The following SCLT1 variants were observed in gnomAD, a reference collection of about 807,000 sequenced individuals.
The protein encoded by SCLT1 is sodium channel-associated protein 1.
Under a neutral mutation model 112.8 loss-of-function variants are expected in SCLT1, and 78 were observed. The ratio of observed to expected loss-of-function variants is 0.69; its 90% CI spans 0.58 to 0.83. SCLT1 has a LOEUF of 0.83. Among genes scored for constraint, SCLT1 ranks in the 40% least tolerant of loss-of-function variants. The pLI is 0.00. For missense variants in SCLT1, 747 were observed against 770.4 expected (o/e 0.97, Z 0.36); for synonymous variants, 257 against 254.7 (o/e 1.01, Z -0.09).
At chr4:128,967,666 C>T (rs1740325548) in intron 10 of SCLT1, among the ~76,000 whole-genome samples, 1 of 152,108 alleles carries the variant, frequency 6.6e-6, no homozygotes, top group South Asian at 2.1e-4. Flanking sequence ...TGAAAAGTGT[C>T]TGTTTATGTC....
At chr4:129,036,775 G>A (rs139589185) in intron 5 of SCLT1, 1 of 151,658 alleles carries the variant, frequency 6.6e-6, no homozygotes, top group African/African-American at 2.4e-5. Context: ...GGAACAGCAT[G>A]TATTAATTTA....
At chr4:128,908,157 G>A (rs1734823862) in intron 18 of SCLT1, among the ~76,000 whole-genome samples, 1 of 152,050 alleles carries the variant, frequency 6.6e-6, no homozygotes, top group African/African-American at 2.4e-5. Flanking sequence ...TTATATGAGA[G>A]AATTAAAAAC....
chr4:129,030,919 T>G (rs945229206), intron 5 of SCLT1, among the ~76,000 whole-genome samples: 1 of 152,052 alleles, frequency 6.6e-6, no homozygotes, highest in African/African-American at 2.4e-5. Flanking sequence ...GTAGCATTCC[T>G]TCTGAAACTA....
At chr4:128,964,517 A>G (rs1740007484) in intron 11 of SCLT1, among the ~76,000 whole-genome samples, 1 of 152,216 alleles carries the variant, frequency 6.6e-6, no homozygotes, top group Non-Finnish European at 1.5e-5. Context: ...TCAGCTTGCA[A>G]GATTTTTCTG....
intron 18 of SCLT1, among the ~76,000 whole-genome samples, chr4:128,933,550 C>G (rs1736944198): frequency 6.6e-6 from 1 of 152,016 alleles, no homozygotes. Context: ...CTAGGCTTAT[C>G]TTGTACTCTC....
rs1428076364 is a variant in SCLT1 at position 129,003,750 on chromosome 4, T to C, written c.417A>G (p.Leu139=). The C allele has an allele frequency of 6.2e-7, 1 of 1,604,608 alleles. No homozygotes were observed. Among genetic ancestry groups the C allele is most frequent in the Non-Finnish European group, 8.5e-7 (1 of 1,176,496 alleles). The part of the protein sequence containing the change: ...TVRNLQEQLQ[L]ANQEKTQAVE... ...AATACATGTCACTCACTTGATTGGCTAGCTGCAATTGTTCTTGAAGGTTTC... is the reference window on the plus strand; with the variant it reads ...AATACATGTCACTCACTTGATTGGCCAGCTGCAATTGTTCTTGAAGGTTTC... Residue 139 remains leucine (L), a synonymous_variant, in exon 6 of 21, where the codon CTA becomes CTG. Coordinates refer to ENST00000281142, the MANE Select transcript of SCLT1 (RefSeq NM_144643.4).
At chr4:128,995,622 G>A (rs140505767) in intron 8 of SCLT1, among the ~76,000 whole-genome samples, 5 of 151,984 alleles carry the variant, frequency 3.3e-5, no homozygotes, top group Non-Finnish European at 4.4e-5. Flanking sequence ...GATTCAGCAG[G>A]CCTCTACCAA....
downstream of SCLT1, among the ~76,000 whole-genome samples, chr4:128,883,642 G>C (rs908400692): frequency 2.0e-5 from 3 of 152,148 alleles, no homozygotes; most frequent in African/African-American, 7.2e-5. Flanking sequence ...ATCTACACGT[G>C]AATGTTTTCA....
intron 11 of SCLT1, among the ~76,000 whole-genome samples, chr4:128,964,846 A>C (rs780560906): frequency 6.6e-6 from 1 of 152,204 alleles, no homozygotes; most frequent in Non-Finnish European, 1.5e-5. Flanking sequence ...GGATGACCTG[A>C]GGAGAAATGA....
intron 15 of SCLT1, among the ~76,000 whole-genome samples, chr4:128,947,119 A>G (rs1325671054): frequency 6.6e-6 from 1 of 152,210 alleles, no homozygotes; most frequent in Non-Finnish European, 1.5e-5. Flanking sequence ...TACAGATCTA[A>G]GCTGCAGACC....
intron 9 of SCLT1, among the ~76,000 whole-genome samples, chr4:128,985,475 T>C (rs1270908949): frequency 6.6e-6 from 1 of 152,192 alleles, no homozygotes. Context: ...TCCTGATTGC[T>C]GTAACTTTTG....
chr4:128,985,807 G>C (rs544861779), intron 9 of SCLT1, among the ~76,000 whole-genome samples: 1 of 152,204 alleles, frequency 6.6e-6, no homozygotes, highest in South Asian at 2.1e-4. Flanking sequence ...TCGAACTCCT[G>C]ACCTTAGGTG....
intron 2 of SCLT1, among the ~76,000 whole-genome samples, chr4:129,063,890 T>C (rs1750227729): frequency 6.6e-6 from 1 of 152,206 alleles, no homozygotes; most frequent in South Asian, 2.1e-4. Context: ...CACTATGCTC[T>C]CACTTCCCTC....
intron 1 of SCLT1, 133 bp downstream of exon 1, chr4:129,092,937 T>G: frequency 1.4e-6 from 1 of 698,644 alleles, no homozygotes; most frequent in Non-Finnish European, 2.5e-6. Flanking sequence ...CAAGGTTTTT[T>G]TTTTCCTGCA....
chr4:128,924,521 C>T (rs1409811691), intron 18 of SCLT1, among the ~76,000 whole-genome samples: 2 of 152,102 alleles, frequency 1.3e-5, no homozygotes, highest in South Asian at 2.1e-4. Flanking sequence ...ATCTGCCCAC[C>T]TTGACCTCTA....
At chr4:129,013,089 G>A (rs1413092859) in intron 5 of SCLT1, among the ~76,000 whole-genome samples, 1 of 152,078 alleles carries the variant, frequency 6.6e-6, no homozygotes, top group African/African-American at 2.4e-5. Context: ...TCATTACCCA[G>A]GTATTAAGCC....
At chr4:129,006,039 A>C in intron 5 of SCLT1, among the ~76,000 whole-genome samples, 1 of 118,956 alleles carries the variant, frequency 8.4e-6, no homozygotes, top group Non-Finnish European at 1.7e-5. Context: ...GGGGGGAGGG[A>C]TAGCATTAGG....
rs149257170 is a variant in SCLT1 at position 128,992,593 on chromosome 4, C to T, written c.616-356G>A. 1.7e-3 allele frequency among the ~76,000 whole-genome samples: 258 copies of T among 152,094 alleles called. 1 individual carries two copies. The highest frequency in any genetic ancestry group is 5.0e-3 in the African/African-American group (207 of 41,544). ...CTGAAGGGAACTGGTATATAAAAAA[C>T]CCAAACTCCCTTCTTGCATGGGTGA... is the stretch of plus-strand genomic sequence containing the variant. On this transcript the variant is annotated intron_variant, in intron 8 of 20. Coordinates refer to ENST00000281142, the MANE Select transcript of SCLT1 (RefSeq NM_144643.4).
chr4:128,873,273 G>GAAAAAAAGAAAAAAAAAAAAAAAAAAA (rs1732335654), intron 5 of SCLT1: 3 of 78,660 alleles, frequency 3.8e-5, no homozygotes, highest in Non-Finnish European at 5.4e-5. Context: ...AAAAAAAAAA[G>GAAAAAAAGAAAAAAAAAAAAAAAAAAA]AAAAAAAGAA....
Sources: gnomAD v4.1 joint callset for allele counts (sites outside exome capture counted in the v4.1 genomes callset) on GRCh38, gnomAD v4.1.1 for gene constraint, MANE v1.5 for transcripts, NCBI Gene and HGNC (gene_info 2026-07-23, HGNC 2026-07-21) for gene names.